The following PTPRD variants were observed in gnomAD, a reference collection of about 807,000 sequenced individuals.
PTPRD encodes receptor-type tyrosine-protein phosphatase delta.
A neutral mutation model predicts 214.5 loss-of-function variants in PTPRD; 34 were observed. The ratio of observed to expected loss-of-function variants is 0.16; its 90% CI spans 0.12 to 0.21. PTPRD has a LOEUF of 0.21. Ranked by LOEUF, PTPRD falls within the 10% of genes least tolerant of loss-of-function variation. The probability of loss-of-function intolerance (pLI) is 1.00; values close to 1 mark genes in which losing one functional copy is unlikely to be tolerated. For missense variants in PTPRD, 2,545 were observed against 2,398.7 expected (o/e 1.06, Z -1.27); for synonymous variants, 1,128 against 845.7 (o/e 1.33, Z -5.79).
At chr9:8,564,085 G>T (rs2087750506) in intron 14 of PTPRD, among the ~76,000 whole-genome samples, 1 of 152,154 alleles carries the variant, frequency 6.6e-6, no homozygotes, top group Admixed American at 6.5e-5. Flanking sequence ...ATACTCTCTG[G>T]TGATGCTGGA....
chr9:10,440,925 T>C (rs904283569), intron 2 of PTPRD, among the ~76,000 whole-genome samples: 3 of 151,776 alleles, frequency 2.0e-5, no homozygotes, highest in Non-Finnish European at 4.4e-5. Context: ...AACCACTGAA[T>C]GTGAATCCCT....
chr9:8,687,790 A>G (rs924897542), intron 12 of PTPRD, among the ~76,000 whole-genome samples: 2 of 151,464 alleles, frequency 1.3e-5, no homozygotes, highest in African/African-American at 2.4e-5. Flanking sequence ...TAAGTTTCAC[A>G]TTTTATATAC....
At chr9:10,397,927 T>C (rs560206590) in intron 2 of PTPRD, among the ~76,000 whole-genome samples, 2 of 152,104 alleles carry the variant, frequency 1.3e-5, no homozygotes, top group Non-Finnish European at 2.9e-5. Context: ...TCAGAATGTA[T>C]TGTTGTCATT....
At chr9:8,424,970 G>T (rs912652150) in intron 35 of PTPRD, among the ~76,000 whole-genome samples, 1 of 152,182 alleles carries the variant, frequency 6.6e-6, no homozygotes, top group Non-Finnish European at 1.5e-5. Flanking sequence ...AGCCAAAACT[G>T]CAAATTCATG....
chr9:9,749,804 A>T (rs903612251), intron 6 of PTPRD, among the ~76,000 whole-genome samples: 1 of 152,314 alleles, frequency 6.6e-6, no homozygotes, highest in Middle Eastern at 3.4e-3. Flanking sequence ...CAGGTTAGTC[A>T]CGCTTCCTGT....
chr9:10,326,956 C>T (rs1565314112), intron 3 of PTPRD, among the ~76,000 whole-genome samples: 1 of 151,360 alleles, frequency 6.6e-6, no homozygotes, highest in Admixed American at 6.6e-5. Flanking sequence ...TCAGTGAACA[C>T]TTTGATAGGA....
intron 3 of PTPRD, among the ~76,000 whole-genome samples, chr9:10,108,715 T>G (rs1235934999): frequency 6.6e-6 from 1 of 152,114 alleles, no homozygotes; most frequent in Non-Finnish European, 1.5e-5. Context: ...GGAATCAACT[T>G]AAGTGTATAT....
chr9:9,525,360 C>T (rs1230637433), intron 8 of PTPRD, among the ~76,000 whole-genome samples: 4 of 152,102 alleles, frequency 2.6e-5, no homozygotes, highest in African/African-American at 9.7e-5. Flanking sequence ...GGATGATTAA[C>T]GCTTATTGTA....
intron 7 of PTPRD, among the ~76,000 whole-genome samples, chr9:9,654,992 CAT>C (rs377187243): frequency 8.9e-5 from 13 of 145,738 alleles, no homozygotes; most frequent in South Asian, 2.1e-4. Flanking sequence ...TAAACTGAAG[CAT>C]ATATATATAT....
intron 2 of PTPRD, among the ~76,000 whole-genome samples, chr9:10,576,319 T>A (rs889573363): frequency 1.3e-5 from 2 of 152,140 alleles, no homozygotes; most frequent in Non-Finnish European, 2.9e-5. Flanking sequence ...TACTGTGACT[T>A]TGAGGGAAAC....
chr9:9,642,897 C>G (rs1256788328), intron 7 of PTPRD, among the ~76,000 whole-genome samples: 1 of 152,130 alleles, frequency 6.6e-6, no homozygotes, highest in Non-Finnish European at 1.5e-5. Flanking sequence ...AAAAACAGAG[C>G]TGTGATTTGT....
intron 11 of PTPRD, among the ~76,000 whole-genome samples, chr9:8,809,661 C>G (rs746891736): frequency 3.9e-5 from 6 of 152,158 alleles, no homozygotes; most frequent in Non-Finnish European, 7.3e-5. Context: ...TTAACTACAT[C>G]TTATCTCCAT....
intron 3 of PTPRD, among the ~76,000 whole-genome samples, chr9:10,215,148 A>G (rs1272603189): frequency 1.3e-5 from 2 of 152,052 alleles, no homozygotes; most frequent in African/African-American, 4.8e-5. Flanking sequence ...GACAAAAATT[A>G]TGAAACAGAT....
intron 9 of PTPRD, among the ~76,000 whole-genome samples, chr9:9,200,249 C>A (rs1484840410): frequency 2.0e-5 from 3 of 152,198 alleles, no homozygotes; most frequent in African/African-American, 4.8e-5. Flanking sequence ...TCCTGATATC[C>A]TACAATGAGA....
intron 11 of PTPRD, among the ~76,000 whole-genome samples, chr9:8,903,206 C>T (rs1049026063): frequency 1.3e-5 from 2 of 151,256 alleles, no homozygotes; most frequent in Non-Finnish European, 2.9e-5. Context: ...CGTTTGTTAC[C>T]TGGGCATACT....
chr9:10,532,758 T>G (rs2056740462), intron 2 of PTPRD, among the ~76,000 whole-genome samples: 1 of 151,872 alleles, frequency 6.6e-6, no homozygotes, highest in East Asian at 1.9e-4. Flanking sequence ...TTTTCTTTTT[T>G]GCTTTGTGTG....
At chr9:9,096,378 C>G (rs1236258430) in intron 10 of PTPRD, among the ~76,000 whole-genome samples, 1 of 152,112 alleles carries the variant, frequency 6.6e-6, no homozygotes, top group Non-Finnish European at 1.5e-5. Context: ...AAACAAAAGT[C>G]CCCAAGAAAC....
rs566851038 is a variant in PTPRD at position 8,503,480 on chromosome 9, A to G, written c.1822+781T>C. On this transcript the variant is annotated intron_variant, in intron 23 of 45. Coordinates refer to ENST00000381196, the MANE Select transcript of PTPRD (RefSeq NM_002839.4). ...GAATGAACTGTAAACACATACTAAT[A>G]AAAAGCAATTAATAATAATAAGCCA... Among the ~76,000 whole-genome samples the G allele has an allele frequency of 9.8e-5, 15 of 152,342 alleles. No individual in the cohort carries two copies. The East Asian group carries it at 2.9e-3, about 29-fold the overall frequency.
At chr9:9,185,159 G>A (rs905256923) in intron 9 of PTPRD, among the ~76,000 whole-genome samples, 5 of 152,044 alleles carry the variant, frequency 3.3e-5, no homozygotes, top group African/African-American at 1.2e-4. Flanking sequence ...AATGCCAATG[G>A]AGAGAAAATG....
Sources: allele counts gnomAD v4.1 joint callset (sites outside exome capture counted in the v4.1 genomes callset), GRCh38; gene constraint gnomAD v4.1.1; transcripts MANE v1.5; gene names NCBI Gene and HGNC (gene_info 2026-07-23, HGNC 2026-07-21).